Variants in RBFOX1 observed in about 807,000 individuals in gnomAD.
RBFOX1 encodes the protein RNA binding protein fox-1 homolog 1.
RBFOX1 carries 8 observed loss-of-function variants against 57.7 expected under a neutral mutation model. The observed-to-expected ratio is 0.14, with a 90% CI of 0.08 to 0.25. The LOEUF is 0.25. Ranked by LOEUF, RBFOX1 falls within the 10% of genes least tolerant of loss-of-function variation. The pLI, the probability that RBFOX1 is intolerant of heterozygous loss-of-function variation, is 1.00. For synonymous variants in RBFOX1, 326 were observed against 222.4 expected (o/e 1.47, Z -4.15); for missense variants, 611 against 548.5 (o/e 1.11, Z -1.14).
intron 4 of RBFOX1, among the ~76,000 whole-genome samples, chr16:7,180,318 A>G (rs927936822): frequency 6.6e-6 from 1 of 152,158 alleles, no homozygotes; most frequent in African/African-American, 2.4e-5. Context: ...CATTTTTCAG[A>G]TAGAAAACTG....
chr16:7,304,449 G>C (rs2096122108), intron 4 of RBFOX1: 17 of 985,378 alleles, frequency 1.7e-5, no homozygotes, highest in Non-Finnish European at 2.0e-5. Flanking sequence ...TGTGTCCCCA[G>C]CTTTCGTGTG....
chr16:5,525,487 C>G (rs1460997738), intron 2 of RBFOX1, among the ~76,000 whole-genome samples: 1 of 126,744 alleles, frequency 7.9e-6, no homozygotes, highest in Non-Finnish European at 1.6e-5. Flanking sequence ...CTAGAGCCGA[C>G]ACTATTTTTT....
intron 3 of RBFOX1, among the ~76,000 whole-genome samples, chr16:5,738,247 C>T (rs1359468812): frequency 1.3e-5 from 2 of 151,948 alleles, no homozygotes; most frequent in Admixed American, 6.6e-5. Flanking sequence ...ATGATCAAGG[C>T]AGGGTGTTTA....
intron 4 of RBFOX1, among the ~76,000 whole-genome samples, chr16:5,960,200 CAAG>C (rs1468847379): frequency 6.6e-6 from 1 of 151,912 alleles, no homozygotes; most frequent in African/African-American, 2.4e-5. Context: ...GACTCTGTCT[CAAG>C]AAGAAGAAAG....
intron 3 of RBFOX1, among the ~76,000 whole-genome samples, chr16:5,641,899 A>T (rs2048887271): frequency 6.6e-6 from 1 of 152,162 alleles, no homozygotes; most frequent in Non-Finnish European, 1.5e-5. Context: ...TTTGCTCAGG[A>T]GAAGGCTATG....
At chr16:7,008,130 A>G (rs2093408886) in intron 3 of RBFOX1, among the ~76,000 whole-genome samples, 2 of 152,182 alleles carry the variant, frequency 1.3e-5, no homozygotes, top group African/African-American at 4.8e-5. Context: ...GTTCTCACTG[A>G]AAAAAATATA....
At chr16:7,556,426 C>T (rs1274148849) in intron 5 of RBFOX1, among the ~76,000 whole-genome samples, 2 of 152,128 alleles carry the variant, frequency 1.3e-5, no homozygotes, top group South Asian at 2.1e-4. Flanking sequence ...GATGATGGTA[C>T]CCAAGATAAA....
intron 4 of RBFOX1, among the ~76,000 whole-genome samples, chr16:7,477,158 A>G (rs999918379): frequency 6.6e-6 from 1 of 152,164 alleles, no homozygotes; most frequent in African/African-American, 2.4e-5. Flanking sequence ...TCACAAAACC[A>G]ACTACAAATA....
At chr16:7,646,085 A>T (rs550772767) in intron 11 of RBFOX1, among the ~76,000 whole-genome samples, 70 of 152,312 alleles carry the variant, frequency 4.6e-4, no homozygotes, top group African/African-American at 1.6e-3. Flanking sequence ...CCATTTAAAG[A>T]GAGTGACCTA....
At chr16:6,254,925 C>T (rs895243183) in intron 1 of RBFOX1, among the ~76,000 whole-genome samples, 4 of 151,946 alleles carry the variant, frequency 2.6e-5, no homozygotes, top group East Asian at 3.9e-4. Context: ...TACCGTTGAC[C>T]CATTCAGATT....
At chr16:6,334,657 G>C (rs961984185) in intron 2 of RBFOX1, among the ~76,000 whole-genome samples, 1 of 152,148 alleles carries the variant, frequency 6.6e-6, no homozygotes, top group Non-Finnish European at 1.5e-5. Flanking sequence ...AGTGAAATAA[G>C]ACAGAGGACA....
At position 5,702,021 on chromosome 16, in the gene RBFOX1, C is replaced by T. The variant is rs1334497622; in HGVS notation, c.318+103060C>T. Among the ~76,000 whole-genome samples, 5 of 152,132 alleles carry T rather than the reference C, an allele frequency of 3.3e-5. No individual in the cohort carries two copies. The East Asian group carries it at 7.7e-4, about 23-fold the overall frequency. On this transcript the variant is annotated intron_variant, in intron 3 of 19. Coordinates refer to the RBFOX1 transcript ENST00000641259. ...GTAGAAAGTAAGAGCTCAATAGACACGTGTTGATGGAGTGAAGAGAAATCT... is the reference window on the plus strand; with the variant it reads ...GTAGAAAGTAAGAGCTCAATAGACATGTGTTGATGGAGTGAAGAGAAATCT...
At chr16:6,630,813 G>C (rs1021226743) in intron 2 of RBFOX1, among the ~76,000 whole-genome samples, 1 of 152,140 alleles carries the variant, frequency 6.6e-6, no homozygotes, top group Non-Finnish European at 1.5e-5. Context: ...CGTTACAGGA[G>C]TTAAGAAAGA....
chr16:5,320,641 G>A (rs1402570536), intron 1 of RBFOX1, among the ~76,000 whole-genome samples: 1 of 152,220 alleles, frequency 6.6e-6, no homozygotes, highest in Non-Finnish European at 1.5e-5. Context: ...TCTCAGGAGA[G>A]GAGAGCTTGT....
chr16:6,079,056 C>G (rs2095956588), intron 1 of RBFOX1, among the ~76,000 whole-genome samples: 1 of 152,162 alleles, frequency 6.6e-6, no homozygotes, highest in Non-Finnish European at 1.5e-5. Context: ...CAGTTGTAAT[C>G]CCAGCACTTT....
At position 5,699,384 on chromosome 16, in the gene RBFOX1, T is replaced by C. The variant is rs2050955484; in HGVS notation, c.318+100423T>C. ...CCTTAATTTTCCTTTTTTTTTTTTT[T>C]CTCCTGCTCTTGGGTCAATAAAGTT... is the stretch of plus-strand genomic sequence containing the variant. On this transcript the variant is annotated intron_variant, in intron 3 of 19. Transcript: ENST00000641259. 3.8e-5 allele frequency among the ~76,000 whole-genome samples: 5 copies of C among 132,578 alleles called. No homozygotes were observed. In the South Asian group the frequency reaches 1.2e-3, roughly 32 times the overall value. 87.0% of individuals were successfully genotyped at this position (132,578 alleles called of 152,430 possible).
At chr16:6,755,821 C>T (rs1339638180) in intron 3 of RBFOX1, among the ~76,000 whole-genome samples, 2 of 152,228 alleles carry the variant, frequency 1.3e-5, no homozygotes, top group East Asian at 3.9e-4. Context: ...AGCGATTATA[C>T]TTAAAGTAAT....
chr16:5,659,186 T>C (rs1004300561), intron 3 of RBFOX1, among the ~76,000 whole-genome samples: 37 of 152,194 alleles, frequency 2.4e-4, no homozygotes, highest in Non-Finnish European at 7.3e-5. Context: ...TTTGATTTTT[T>C]TGATTATGGC....
intron 1 of RBFOX1, among the ~76,000 whole-genome samples, chr16:5,300,561 G>T (rs531687274): frequency 1.3e-5 from 2 of 152,206 alleles, no homozygotes; most frequent in African/African-American, 4.8e-5. Flanking sequence ...TTTTCTGAAA[G>T]AATTTAAGTA....
Sources: allele counts gnomAD v4.1 joint callset (sites outside exome capture counted in the v4.1 genomes callset), GRCh38; gene constraint gnomAD v4.1.1; transcripts MANE v1.5; gene names NCBI Gene and HGNC (gene_info 2026-07-23, HGNC 2026-07-21).